The following SPSB4 variants were observed in gnomAD, a reference collection of about 807,000 sequenced individuals.
SPSB4 encodes SPRY domain-containing SOCS box protein 4.
SPSB4 carries 21 observed loss-of-function variants against 20.9 expected under a neutral mutation model. The observed-to-expected ratio is 1.01, with a 90% CI of 0.71 to 1.45. The LOEUF (loss-of-function observed/expected upper bound fraction) is 1.45, where lower values mean the gene tolerates loss of function less well. Ranked by LOEUF, SPSB4 falls within the 40% of genes most tolerant of loss-of-function variation. The pLI, the probability that SPSB4 is intolerant of heterozygous loss-of-function variation, is 0.00. For synonymous variants in SPSB4, 207 were observed against 183.8 expected (o/e 1.13, Z -1.02); for missense variants, 399 against 399.2 (o/e 1.00, Z 0.00).
intron 2 of SPSB4, chr3:141,124,253 C>CAT (rs955183886): frequency 2.0e-5 from 3 of 152,260 alleles, no homozygotes; most frequent in Non-Finnish European, 2.9e-5. Context: ...TGTGGGAGCC[C>CAT]ATAGGGGTGA....
intron 2 of SPSB4, among the ~76,000 whole-genome samples, chr3:141,079,885 A>G (rs542706446): frequency 1.3e-5 from 2 of 152,198 alleles, no homozygotes; most frequent in Non-Finnish European, 2.9e-5. Context: ...GTGGGGACCA[A>G]CAGGCAAGCC....
At chr3:141,125,969 G>T (rs964916869) in intron 2 of SPSB4, among the ~76,000 whole-genome samples, 1 of 152,106 alleles carries the variant, frequency 6.6e-6, no homozygotes, top group Admixed American at 6.5e-5. Context: ...TTTGTGGGAA[G>T]GCCAGTCAAA....
chr3:141,133,331 C>T (rs1276864794), intron 2 of SPSB4, among the ~76,000 whole-genome samples: 1 of 152,118 alleles, frequency 6.6e-6, no homozygotes, highest in African/African-American at 2.4e-5. Context: ...GTTTTTATTG[C>T]ATTTGCTTTT....
chr3:141,092,166 C>T (rs1290887781), intron 2 of SPSB4, among the ~76,000 whole-genome samples: 1 of 152,174 alleles, frequency 6.6e-6, no homozygotes. Flanking sequence ...AGCTGGGAGA[C>T]CTGGTGCAAG....
chr3:141,105,989 C>T (rs1432806378), intron 2 of SPSB4, among the ~76,000 whole-genome samples: 1 of 152,136 alleles, frequency 6.6e-6, no homozygotes, highest in Non-Finnish European at 1.5e-5. Flanking sequence ...TTTTGCATAA[C>T]GGGATGTAAA....
chr3:141,131,225 T>C lies in SPSB4; in HGVS notation c.695-15917T>C, dbSNP rs1939124525. Among the ~76,000 whole-genome samples the C allele has an allele frequency of 2.0e-5, 3 of 152,116 alleles. No individual in the cohort carries two copies. In the South Asian group the frequency reaches 6.2e-4, roughly 32 times the overall value. The stretch of plus-strand genomic sequence containing the variant: ...ATTTTTCTCCTCTATTAAATGGGTG[T>C]TGGGAGCAGAAACTAGGATTCCAAG... On this transcript the variant is annotated intron_variant, in intron 2 of 2. Coordinates refer to ENST00000310546, the MANE Select transcript of SPSB4 (RefSeq NM_080862.3).
intron 2 of SPSB4, among the ~76,000 whole-genome samples, chr3:141,135,559 T>C (rs1212673582): frequency 6.6e-6 from 1 of 151,322 alleles, no homozygotes; most frequent in Non-Finnish European, 1.5e-5. Context: ...GTTCTCATTG[T>C]TCAATTCCCA....
chr3:141,082,340 G>A (rs1395697253), intron 2 of SPSB4, among the ~76,000 whole-genome samples: 1 of 152,216 alleles, frequency 6.6e-6, no homozygotes, highest in Non-Finnish European at 1.5e-5. Flanking sequence ...GGCTGGGCCA[G>A]GCTCTCATCT....
At chr3:141,096,109 G>A (rs575234863) in intron 2 of SPSB4, among the ~76,000 whole-genome samples, 4 of 152,214 alleles carry the variant, frequency 2.6e-5, no homozygotes, top group East Asian at 1.9e-4. Context: ...TAGGAATAAC[G>A]CCTGAGACAG....
intron 2 of SPSB4, among the ~76,000 whole-genome samples, chr3:141,131,395 A>T (rs146274645): frequency 8.5e-5 from 13 of 152,214 alleles, no homozygotes; most frequent in African/African-American, 2.9e-4. Context: ...CAGCACACAA[A>T]TCTTAAGGGT....
intron 2 of SPSB4, among the ~76,000 whole-genome samples, chr3:141,117,659 C>T (rs1426961446): frequency 1.3e-5 from 2 of 152,206 alleles, no homozygotes; most frequent in South Asian, 2.1e-4. Flanking sequence ...TAGCCCCCAT[C>T]CCCCGCCCAA....
intron 2 of SPSB4, among the ~76,000 whole-genome samples, chr3:141,137,330 T>G (rs553650410): frequency 3.2e-4 from 48 of 151,140 alleles, no homozygotes; most frequent in Non-Finnish European, 6.4e-4. Flanking sequence ...AATGCCCACC[T>G]TCTCCTGCCT....
At chr3:141,089,880 G>A (rs1320551157) in intron 2 of SPSB4, among the ~76,000 whole-genome samples, 1 of 152,110 alleles carries the variant, frequency 6.6e-6, no homozygotes, top group African/African-American at 2.4e-5. Flanking sequence ...GTCACTCTAG[G>A]TCCTGCTTTA....
chr3:141,081,236 T>C (rs1344510847), intron 2 of SPSB4, among the ~76,000 whole-genome samples: 3 of 152,252 alleles, frequency 2.0e-5, no homozygotes, highest in African/African-American at 7.2e-5. Flanking sequence ...TACTTGGTTG[T>C]GCTAGCCGCA....
At chr3:141,074,382 C>G (rs182560768) in intron 2 of SPSB4, among the ~76,000 whole-genome samples, 4 of 152,268 alleles carry the variant, frequency 2.6e-5, no homozygotes, top group Admixed American at 1.3e-4. Flanking sequence ...TATTACTGCT[C>G]TCATAAATTG....
At chr3:141,093,997 A>G (rs1229417498) in intron 2 of SPSB4, among the ~76,000 whole-genome samples, 1 of 151,960 alleles carries the variant, frequency 6.6e-6, no homozygotes, top group African/African-American at 2.4e-5. Flanking sequence ...GATGTCTGTA[A>G]AAAAAAAGCC....
intron 2 of SPSB4, among the ~76,000 whole-genome samples, chr3:141,146,335 T>C (rs757371804): frequency 1.6e-4 from 24 of 152,282 alleles, no homozygotes; most frequent in Middle Eastern, 6.8e-3. Context: ...AGGAAAGCTA[T>C]AGGGGAAGTT....
chr3:141,077,226 A>G (rs181097615), intron 2 of SPSB4: 3 of 152,344 alleles, frequency 2.0e-5, no homozygotes, highest in Admixed American at 6.5e-5. Context: ...TTGGGATGAA[A>G]TTAAGCCGAG....
At chr3:141,085,307 A>G (rs540169654) in intron 2 of SPSB4, among the ~76,000 whole-genome samples, 21 of 152,186 alleles carry the variant, frequency 1.4e-4, no homozygotes, top group Non-Finnish European at 2.8e-4. Context: ...TATGGGCTTA[A>G]ACAAGAATTT....
Sources: allele counts gnomAD v4.1 joint callset (sites outside exome capture counted in the v4.1 genomes callset), GRCh38; gene constraint gnomAD v4.1.1; transcripts MANE v1.5; gene names NCBI Gene and HGNC (gene_info 2026-07-23, HGNC 2026-07-21).